RABGAP1: variants seen among roughly 807,000 people sequenced by gnomAD.
RABGAP1 encodes the protein rab GTPase-activating protein 1.
In RABGAP1, 23 loss-of-function variants were observed where a neutral mutation model predicts 137.6. That is an observed-to-expected ratio of 0.17 (90% CI 0.12 to 0.24). The LOEUF (loss-of-function observed/expected upper bound fraction) is 0.24. RABGAP1 is among the 10% of genes least tolerant of loss of function. The pLI is 1.00. For missense variants in RABGAP1, 906 were observed against 1,275.8 expected, an observed-to-expected ratio of 0.71 and a Z score of 4.42; for synonymous variants, 451 against 450.7, an observed-to-expected ratio of 1.00 and a Z score of -0.01.
intron 1 of RABGAP1, among the ~76,000 whole-genome samples, chr9:122,942,682 A>AAAACAC (rs1354940916): frequency 6.6e-6 from 1 of 151,072 alleles, no homozygotes; most frequent in Non-Finnish European, 1.5e-5. Flanking sequence ...AAAAAAAAAA[A>AAAACAC]AAAAAACACA....
chr9:123,011,435 A>G (rs1000752846), intron 11 of RABGAP1, among the ~76,000 whole-genome samples: 2 of 152,164 alleles, frequency 1.3e-5, no homozygotes, highest in African/African-American at 4.8e-5. Context: ...GTTAAATGAA[A>G]CGTATCCATG....
chr9:122,987,831 T>C (rs1362758754), intron 4 of RABGAP1, among the ~76,000 whole-genome samples: 1 of 152,218 alleles, frequency 6.6e-6, no homozygotes. Context: ...ATTGAGTTTG[T>C]CTATTTTTAT....
At chr9:122,934,124 C>T in the RABGAP1 span, among the ~76,000 whole-genome samples, 3 of 150,230 alleles carry the variant, frequency 2.0e-5, no homozygotes, top group African/African-American at 4.9e-5. Context: ...GTCACCCAGG[C>T]TGGAGTGCAG....
chr9:123,059,111 C>T (rs1007308685), intron 13 of RABGAP1, among the ~76,000 whole-genome samples: 3 of 152,168 alleles, frequency 2.0e-5, no homozygotes, highest in Non-Finnish European at 4.4e-5. Flanking sequence ...AATAATGACT[C>T]ATAAAAGTTT....
chr9:123,102,182 A>T (rs760574149), intron 25 of RABGAP1, among the ~76,000 whole-genome samples: 7 of 152,176 alleles, frequency 4.6e-5, no homozygotes, highest in Non-Finnish European at 1.0e-4. Flanking sequence ...GCTTGGCAGA[A>T]TGTCGGGGGC....
Position 122,975,179 on chromosome 9 carries a change from T to C in RABGAP1, c.151-9306T>C, listed in dbSNP as rs114365245. 2.9e-3 allele frequency among the ~76,000 whole-genome samples: 444 copies of C among 152,308 alleles called. 2 individuals carry two copies. Among genetic ancestry groups the C allele is most frequent in the African/African-American group, 0.01 (420 of 41,574 alleles). ...CAGGAATTCGTCTTTAATTTTCTGA[T>C]CATCTAGGGACTTCTCAAGCACAAA... On this transcript the variant is annotated intron_variant, in intron 2 of 25. Transcript: ENST00000373647.
At chr9:123,089,616 T>C (rs1157917276) in intron 19 of RABGAP1, 142 bp from the exon 20 acceptor site, 1 of 644,632 alleles carries the variant, frequency 1.6e-6, no homozygotes, top group Non-Finnish European at 2.7e-6. Flanking sequence ...CTCTGATGAT[T>C]TCCCTCCAAA....
chr9:122,997,552 CT>C (rs997618355), intron 9 of RABGAP1, among the ~76,000 whole-genome samples, 191 bp downstream of exon 9: 2 of 150,468 alleles, frequency 1.3e-5, no homozygotes, highest in Admixed American at 6.7e-5. Context: ...CTTTTCCATC[CT>C]TTTTTTCATT....
intron 19 of RABGAP1, among the ~76,000 whole-genome samples, chr9:123,079,859 C>T (rs76359961): frequency 0.036 from 5,407 of 152,226 alleles, 134 homozygotes; most frequent in Non-Finnish European, 0.058. Context: ...ACGTCCTTAT[C>T]CTATCTTATT....
At chr9:123,082,001 G>A (rs982655664) in intron 19 of RABGAP1, among the ~76,000 whole-genome samples, 1 of 150,962 alleles carries the variant, frequency 6.6e-6, no homozygotes, top group South Asian at 2.1e-4. Context: ...TGGTGTGGCA[G>A]TATCTGAAAT....
chr9:122,949,991 A>G (rs975236929), intron 1 of RABGAP1, among the ~76,000 whole-genome samples: 20 of 152,226 alleles, frequency 1.3e-4, no homozygotes, highest in African/African-American at 4.1e-4. Context: ...GGTGTGACAG[A>G]AGAAGATAAG....
At chr9:122,980,293 A>T (rs117167532) in intron 2 of RABGAP1, among the ~76,000 whole-genome samples, 2,407 of 152,236 alleles carry the variant, frequency 0.016, 35 homozygotes, top group South Asian at 0.066. Flanking sequence ...TTTTTGGCTC[A>T]CTGACTCTTT....
At chr9:123,060,639 A>C (rs779240650) in intron 13 of RABGAP1, among the ~76,000 whole-genome samples, 3 of 152,212 alleles carry the variant, frequency 2.0e-5, no homozygotes, top group Non-Finnish European at 4.4e-5. Flanking sequence ...GTAATTTCAT[A>C]TTCTCACCAA....
intron 13 of RABGAP1, among the ~76,000 whole-genome samples, chr9:123,050,938 G>T (rs1351383736): frequency 6.6e-6 from 1 of 151,626 alleles, no homozygotes; most frequent in African/African-American, 2.4e-5. Flanking sequence ...CAATAGCAGG[G>T]TTTTTTTTGT....
Position 123,103,417 on chromosome 9 carries a change from G to A in RABGAP1, c.*204G>A. 1 of 648,306 alleles carries A rather than the reference G, an allele frequency of 1.5e-6. No homozygotes were observed. The highest frequency in any genetic ancestry group is 2.4e-6 in the Non-Finnish European group (1 of 409,892). 40.2% of individuals were successfully genotyped at this position (648,306 alleles called of 1,614,324 possible). On this transcript the variant is annotated 3_prime_UTR_variant, in exon 26 of 26. Transcript: ENST00000373647. ...ACTACTGATACTAACAGGCCTGCTA[G>A]CTCAGCCGACGCTCTGGACACTCTA...
In RABGAP1 at chr9:122,982,335, A is replaced by G. The variant is rs980145730; in HGVS notation, c.151-2150A>G. ...AATGCAAGATAAACGTGTAAACACA[A>G]GGCAAAGGTATAAACATGTTTTCTT... On this transcript the variant is annotated intron_variant, in intron 2 of 25. Coordinates refer to ENST00000373647, the MANE Select transcript of RABGAP1 (RefSeq NM_012197.4). 3.3e-5 allele frequency among the ~76,000 whole-genome samples: 5 copies of G among 152,350 alleles called. 1 individual carries two copies. In the South Asian group the frequency reaches 1.0e-3, roughly 32 times the overall value.
At chr9:122,984,875 G>C (rs543237513) in intron 3 of RABGAP1, among the ~76,000 whole-genome samples, 156 bp downstream of exon 3, 2 of 152,274 alleles carry the variant, frequency 1.3e-5, no homozygotes, top group East Asian at 3.9e-4. Flanking sequence ...AATCTAAGGG[G>C]ATGTGAGAGG....
At chr9:123,079,213 GT>G (rs1273936900) in intron 19 of RABGAP1, among the ~76,000 whole-genome samples, 2 of 141,254 alleles carry the variant, frequency 1.4e-5, no homozygotes, top group African/African-American at 2.7e-5. Flanking sequence ...GTTGTTGTTT[GT>G]TTTTTTGTTT....
chr9:122,972,015 A>G (rs1835497768), intron 2 of RABGAP1: 1 of 152,242 alleles, frequency 6.6e-6, no homozygotes, highest in African/African-American at 2.4e-5. Flanking sequence ...AAAATAATAC[A>G]AGGCTGAATG....
Sources: gnomAD v4.1 joint callset for allele counts (sites outside exome capture counted in the v4.1 genomes callset) on GRCh38, gnomAD v4.1.1 for gene constraint, MANE v1.5 for transcripts, NCBI Gene and HGNC (gene_info 2026-07-23, HGNC 2026-07-21) for gene names.